ACACA: variants seen among roughly 807,000 people sequenced by gnomAD.
The protein encoded by ACACA is acetyl-CoA carboxylase alpha.
ACACA carries 103 observed loss-of-function variants against 296.1 expected under a neutral mutation model. The observed-to-expected ratio is 0.35, with a 90% CI of 0.30 to 0.41. The LOEUF is 0.41. ACACA is among the 10% of genes least tolerant of loss of function. The probability of loss-of-function intolerance (pLI) is 1.00; values close to 1 mark genes in which losing one functional copy is unlikely to be tolerated. For missense variants in ACACA, 1,554 were observed against 2,989.7 expected (o/e 0.52, Z 11.20); for synonymous variants, 953 against 1,038.6 (o/e 0.92, Z 1.58).
At chr17:37,193,045 ATAAAG>A (rs2077826858) in intron 36 of ACACA, among the ~76,000 whole-genome samples, 1 of 152,200 alleles carries the variant, frequency 6.6e-6, no homozygotes, top group South Asian at 2.1e-4. Context: ...ACAAATTCAC[ATAAAG>A]TAGAGTTGAG....
chr17:37,186,798 A>G (rs1008888156), intron 39 of ACACA, among the ~76,000 whole-genome samples: 5 of 152,142 alleles, frequency 3.3e-5, no homozygotes, highest in African/African-American at 1.2e-4. Context: ...TACCATGTGT[A>G]ATACTAAACC....
chr17:37,320,427 C>G (rs2047298275), intron 3 of ACACA, among the ~76,000 whole-genome samples: 1 of 151,680 alleles, frequency 6.6e-6, no homozygotes, highest in African/African-American at 2.4e-5. Flanking sequence ...AGGAAAATAG[C>G]TTGAACCTGG....
Position 37,189,559 on chromosome 17 carries a change from T to C in ACACA, c.4573-1079A>G, listed in dbSNP as rs148258369. 4.1e-4 allele frequency among the ~76,000 whole-genome samples: 62 copies of C among 152,298 alleles called. 1 individual carries two copies. Among genetic ancestry groups the C allele is most frequent in the African/African-American group, 1.4e-3 (59 of 41,560 alleles). On this transcript the variant is annotated intron_variant, in intron 38 of 55. Coordinates refer to ENST00000616317, the MANE Select transcript of ACACA (RefSeq NM_198834.3). ...TTTATGTACAGAAAATTGGCAGCTATCTATCATTAGAAAAGCAGAGCCAGT... is the reference window on the plus strand; with the variant it reads ...TTTATGTACAGAAAATTGGCAGCTACCTATCATTAGAAAAGCAGAGCCAGT...
Position 37,235,032 on chromosome 17 carries a change from G to T in ACACA, c.3189C>A (p.Asn1063Lys), listed in dbSNP as rs906315931. 1.9e-6 allele frequency: 3 copies of T among 1,613,748 alleles called. No homozygotes were observed. The highest frequency in any genetic ancestry group is 2.5e-6 in the Non-Finnish European group (3 of 1,179,886). The change falls in exon 25 of 56, where the codon AAC (asparagine) becomes AAA (lysine). Residue 1063 changes from asparagine to lysine, a missense_variant. Transcript: ENST00000616317. Reference protein sequence around the residue: ...ENKSDMNTVLNYIFSHAQVTK... With the variant: ...ENKSDMNTVLKYIFSHAQVTK... Reference sequence around the variant, plus strand: ...TGACTTGAGCGTGAGAGAAGATGTAGTTCAGTACAGTGTTCATGTCACTTT... The same window carrying T: ...TGACTTGAGCGTGAGAGAAGATGTATTTCAGTACAGTGTTCATGTCACTTT...
At chr17:37,289,005 G>A (rs1189885743) in intron 3 of ACACA, among the ~76,000 whole-genome samples, 1 of 152,196 alleles carries the variant, frequency 6.6e-6, no homozygotes. Context: ...GCTCCCGCCT[G>A]TAATCCCAGC....
In ACACA at chr17:37,170,964, C is replaced by T. The variant is rs563964991; in HGVS notation, c.5079+8296G>A. ...TGTTTTTTAAGGGTGAAAGACATATCCATCAACTCTAGCTATGCTGTGGGA... is the reference window on the plus strand; with the variant it reads ...TGTTTTTTAAGGGTGAAAGACATATTCATCAACTCTAGCTATGCTGTGGGA... On this transcript the variant is annotated intron_variant, in intron 41 of 55. Transcript: ENST00000616317. Among the ~76,000 whole-genome samples the T allele has an allele frequency of 5.9e-5, 9 of 152,296 alleles. No homozygotes were observed. In the East Asian group the frequency reaches 1.7e-3, roughly 29 times the overall value.
chr17:37,233,200 AAT>A (rs958099679), intron 25 of ACACA, among the ~76,000 whole-genome samples: 7 of 152,166 alleles, frequency 4.6e-5, no homozygotes, highest in African/African-American at 1.7e-4. Flanking sequence ...CTCTGAAGAA[AAT>A]TGAAGGCCTG....
At chr17:37,254,704 C>T (rs1245420761) in intron 14 of ACACA, among the ~76,000 whole-genome samples, 2 of 151,828 alleles carry the variant, frequency 1.3e-5, no homozygotes, top group African/African-American at 4.8e-5. Context: ...AATGAATGGG[C>T]CTGGCACAGT....
At chr17:37,177,652 AT>A (rs2144800310) in intron 41 of ACACA, among the ~76,000 whole-genome samples, 1 of 152,306 alleles carries the variant, frequency 6.6e-6, no homozygotes, top group East Asian at 1.9e-4. Flanking sequence ...ACACTGTTCA[AT>A]GAATCAGAAT....
At chr17:37,329,075 T>C (rs2047742524) in intron 3 of ACACA, 1 of 397,320 alleles carries the variant, frequency 2.5e-6, no homozygotes, top group Non-Finnish European at 4.4e-6. Flanking sequence ...TGTTACTATG[T>C]ACTGACATTC....
chr17:37,181,130 C>T (rs773153274), intron 40 of ACACA, 71 bp downstream of exon 40: 54 of 1,567,082 alleles, frequency 3.4e-5, no homozygotes, highest in South Asian at 2.4e-4. Context: ...TAGCCAAAAC[C>T]GCATCTGATG....
intron 1 of ACACA, among the ~76,000 whole-genome samples, chr17:37,361,214 T>G (rs986943505): frequency 6.6e-6 from 1 of 152,080 alleles, no homozygotes; most frequent in Non-Finnish European, 1.5e-5. Flanking sequence ...AATTTTTGTA[T>G]TTTTAGTAGA....
chr17:37,093,765 T>C (rs552613718), intron 54 of ACACA, among the ~76,000 whole-genome samples: 1 of 152,332 alleles, frequency 6.6e-6, no homozygotes, highest in South Asian at 2.1e-4. Context: ...CCCAAAGCAC[T>C]GGGATTACAG....
intron 48 of ACACA, 177 bp from the exon 49 acceptor site, chr17:37,122,804 T>C (rs1258460746): frequency 4.4e-6 from 3 of 687,290 alleles, no homozygotes; most frequent in Non-Finnish European, 7.9e-6. Context: ...ATATTTACTC[T>C]CTAAATATGG....
intron 52 of ACACA, among the ~76,000 whole-genome samples, chr17:37,103,776 C>T (rs965456003): frequency 2.0e-5 from 3 of 152,088 alleles, no homozygotes; most frequent in Admixed American, 1.3e-4. Context: ...GTAGCTCACA[C>T]CTGTAATCTC....
At chr17:37,353,484 CA>C in intron 1 of ACACA, among the ~76,000 whole-genome samples, 1 of 151,464 alleles carries the variant, frequency 6.6e-6, no homozygotes, top group Middle Eastern at 3.4e-3. Context: ...ACTAAAAATA[CA>C]AAAATTAGCC....
Position 37,089,002 on chromosome 17 carries a change from G to C in ACACA, c.6964C>G (p.His2322Asp), listed in dbSNP as rs144385756. ...TTGATGTTTTCCTCTATTACCGAGTGAACACCATCCTCCTCTGTCAGCTGT... is the reference window on the plus strand; with the variant it reads ...TTGATGTTTTCCTCTATTACCGAGTCAACACCATCCTCCTCTGTCAGCTGT... ...EKQLTEEDGV[H>D]SVIEENIKCI... Residue 2322 changes from histidine (H) to aspartate (D), a missense_variant, in exon 55 of 56, where the codon CAC becomes GAC. Around this residue, in one of 16 missense-constraint regions of ACACA, gnomAD observed 553 missense variants for 1,043.6 expected, o/e 0.53. Transcript: ENST00000616317. 6.2e-7 allele frequency: 1 copy of C among 1,614,018 alleles called. No homozygotes were observed. The highest frequency in any genetic ancestry group is 8.5e-7 in the Non-Finnish European group (1 of 1,180,038).
chr17:37,124,486 G>A (rs1040745380), intron 48 of ACACA, among the ~76,000 whole-genome samples: 2 of 152,192 alleles, frequency 1.3e-5, no homozygotes, highest in Non-Finnish European at 2.9e-5. Flanking sequence ...AAGCAGAATA[G>A]ATGAGACAAA....
At chr17:37,196,729 A>G (rs1028133987) in intron 35 of ACACA, among the ~76,000 whole-genome samples, 1 of 152,200 alleles carries the variant, frequency 6.6e-6, no homozygotes, top group Non-Finnish European at 1.5e-5. Context: ...GAGTGAGTCA[A>G]TAAGTTTTAA....
Sources: gnomAD v4.1 joint callset for allele counts (sites outside exome capture counted in the v4.1 genomes callset) on GRCh38, gnomAD v4.1.1 for gene constraint, gnomAD v4.1.1 regional missense constraint, MANE v1.5 for transcripts, NCBI Gene and HGNC (gene_info 2026-07-23, HGNC 2026-07-21) for gene names.